Variants in AGAP1 observed in about 807,000 individuals in gnomAD.
The protein encoded by AGAP1 is ArfGAP with GTPase domain, ankyrin repeat and PH domain 1, also known as arf-GAP with GTPase, ANK repeat and PH domain-containing protein 1.
Under a neutral mutation model 105.3 loss-of-function variants are expected in AGAP1, and 29 were observed. The observed-to-expected ratio is 0.28, with a 90% CI of 0.21 to 0.38. AGAP1 has a LOEUF of 0.38. Ranked by LOEUF, AGAP1 falls within the 10% of genes least tolerant of loss-of-function variation. The pLI, the probability that AGAP1 is intolerant of heterozygous loss-of-function variation, is 1.00. For synonymous variants in AGAP1, 509 were observed against 485.9 expected, an observed-to-expected ratio of 1.05 and a Z score of -0.63; for missense variants, 998 against 1,165.1, an observed-to-expected ratio of 0.86 and a Z score of 2.09.
rs1188175455 is a variant in AGAP1, at chr2:235,901,783, G to A, written c.1156-6955G>A. ...AATCCCAGCTACTCAGGAGGCTGAG[G>A]CAGTAGAATCACTTGAACCCAGGAG... On this transcript the variant is annotated intron_variant, in intron 10 of 17. Transcript: ENST00000304032. This position sits in a 1 kb window ranked among gnomAD's most constrained non-coding sequence, Gnocchi z 4.3. 1.3e-5 allele frequency among the ~76,000 whole-genome samples: 2 copies of A among 151,948 alleles called. No individual in the cohort carries two copies. Among genetic ancestry groups the A allele is most frequent in the African/African-American group, 4.8e-5 (2 of 41,338 alleles).
At chr2:235,573,807 C>A (rs1944650210) in intron 1 of AGAP1, among the ~76,000 whole-genome samples, 1 of 152,186 alleles carries the variant, frequency 6.6e-6, no homozygotes, top group South Asian at 2.1e-4. Context: ...TAGCTGTTAC[C>A]ACATGGAATG....
Position 235,787,044 on chromosome 2 carries a change from C to T in AGAP1, c.674-10715C>T, listed in dbSNP as rs79455620. ...GGTCTTGACACCAGCTCCTGCCACTCTGACACATACTTAGGCAGTGCTCAG... is the reference window on the plus strand; with the variant it reads ...GGTCTTGACACCAGCTCCTGCCACTTTGACACATACTTAGGCAGTGCTCAG... On this transcript the variant is annotated intron_variant, in intron 6 of 17. Coordinates refer to ENST00000304032, the MANE Select transcript of AGAP1 (RefSeq NM_001037131.3). The surrounding 1 kb of genome is among the most constrained non-coding windows in gnomAD (Gnocchi z 4.4). Among the ~76,000 whole-genome samples, 3,161 of 152,362 alleles carry T rather than the reference C, an allele frequency of 0.021. 103 individuals carry two copies. The highest frequency in any genetic ancestry group is 0.072 in the African/African-American group (3,006 of 41,582).
chr2:235,520,640 A>G (rs1574751192), intron 1 of AGAP1, among the ~76,000 whole-genome samples: 1 of 152,130 alleles, frequency 6.6e-6, no homozygotes, highest in Admixed American at 6.5e-5. Flanking sequence ...TTGCAAAATG[A>G]TGATTTTATA....
Position 235,799,265 on chromosome 2 carries a change from C to G in AGAP1, c.802-102C>G. On this transcript the variant is annotated intron_variant, in intron 7 of 17. Transcript: ENST00000304032. The surrounding 1 kb of genome is among the most constrained non-coding windows in gnomAD (Gnocchi z 5.0). ...AGTCAGCCATTCCCATGCATCCCTT[C>G]CATGGGGCTCATGCTCACTTGTTGG... The G allele has an allele frequency of 7.3e-7, 1 of 1,364,144 alleles. No homozygotes were observed. Among genetic ancestry groups the G allele is most frequent in the Non-Finnish European group, 1.0e-6 (1 of 983,490 alleles). 84.5% of individuals were successfully genotyped at this position (1,364,144 alleles called of 1,614,324 possible).
At position 235,609,193 on chromosome 2, in the gene AGAP1, C is replaced by T. The variant is rs888095149; in HGVS notation, c.164-99986C>T. On this transcript the variant is annotated intron_variant, in intron 1 of 17. Coordinates refer to ENST00000304032, the MANE Select transcript of AGAP1 (RefSeq NM_001037131.3). This position sits in a 1 kb window ranked among gnomAD's most constrained non-coding sequence, Gnocchi z 5.1. The stretch of plus-strand genomic sequence containing the variant: ...GGTTTGTGACCAGGTCCTAGTGAGG[C>T]AGCTTTCTGAGCACTTTTTCTTGAT... Among the ~76,000 whole-genome samples the T allele has an allele frequency of 3.3e-5, 5 of 152,088 alleles. No homozygotes were observed. Among genetic ancestry groups the T allele is most frequent in the Non-Finnish European group, 7.3e-5 (5 of 68,030 alleles).
rs2058996127 is a variant in AGAP1 at position 236,089,002 on chromosome 2, T to C, written c.2115-31190T>C. On this transcript the variant is annotated intron_variant, in intron 16 of 17. Transcript: ENST00000304032. The surrounding 1 kb of genome is among the most constrained non-coding windows in gnomAD (Gnocchi z 5.6). ...TTCTACCAAAAGAGAAAGAACTGGT[T>C]TGTATAATATGTTTCAAAGTACAGA... 1.3e-5 allele frequency among the ~76,000 whole-genome samples: 2 copies of C among 152,170 alleles called. No individual in the cohort carries two copies. Among genetic ancestry groups the C allele is most frequent in the African/African-American group, 2.4e-5 (1 of 41,448 alleles).
rs1210285615 is a variant in AGAP1 at position 235,789,016 on chromosome 2, T to C, written c.674-8743T>C. Among the ~76,000 whole-genome samples, 1 of 152,146 alleles carries C rather than the reference T, an allele frequency of 6.6e-6. No individual in the cohort carries two copies. Among genetic ancestry groups the C allele is most frequent in the Non-Finnish European group, 1.5e-5 (1 of 67,992 alleles). The stretch of plus-strand genomic sequence containing the variant: ...ATTCCTGATTTTTGGCAGCTCGACT[T>C]TGGGATTAAATGTTAAGGAACTATT... On this transcript the variant is annotated intron_variant, in intron 6 of 17. Transcript: ENST00000304032. This position sits in a 1 kb window ranked among gnomAD's most constrained non-coding sequence, Gnocchi z 4.2.
At chr2:236,032,389 C>A (rs2057249914) in intron 13 of AGAP1, among the ~76,000 whole-genome samples, 1 of 152,172 alleles carries the variant, frequency 6.6e-6, no homozygotes, top group African/African-American at 2.4e-5. Flanking sequence ...CTGGGTGAGT[C>A]TTCAGGGTGA....
intron 1 of AGAP1, among the ~76,000 whole-genome samples, chr2:235,688,152 C>T (rs546959963): frequency 4.1e-4 from 62 of 152,258 alleles, no homozygotes; most frequent in African/African-American, 1.4e-3. Flanking sequence ...GTGATCTGCC[C>T]ACCTCGGTCT....
In AGAP1 at chr2:236,082,951, T is replaced by C. The variant is rs1439616793; in HGVS notation, c.2114+33670T>C. On this transcript the variant is annotated intron_variant, in intron 16 of 17. Transcript: ENST00000304032. This position sits in a 1 kb window ranked among gnomAD's most constrained non-coding sequence, Gnocchi z 4.2. ...TGGCCGGATCACCTGAGGTCAGGAA[T>C]TCAAGACCAGCCTGACCAACATGGA... Among the ~76,000 whole-genome samples, 1 of 151,928 alleles carries C rather than the reference T, an allele frequency of 6.6e-6. No homozygotes were observed. Among genetic ancestry groups the C allele is most frequent in the Non-Finnish European group, 1.5e-5 (1 of 68,008 alleles).
chr2:235,847,747 C>T (rs1398324496), intron 9 of AGAP1, among the ~76,000 whole-genome samples: 5 of 152,222 alleles, frequency 3.3e-5, no homozygotes, highest in African/African-American at 7.2e-5. Context: ...TCGTACACGA[C>T]GCCTAACGTG....
At position 236,040,611 on chromosome 2, in the gene AGAP1, C is replaced by G. The variant is rs2057519458; in HGVS notation, c.1801-140C>G. 1 of 378,688 alleles carries G rather than the reference C, an allele frequency of 2.6e-6. No individual in the cohort carries two copies. Among genetic ancestry groups the G allele is most frequent in the Non-Finnish European group, 4.6e-6 (1 of 218,782 alleles). 23.5% of individuals were successfully genotyped at this position (378,688 alleles called of 1,614,324 possible). On this transcript the variant is annotated intron_variant, in intron 14 of 17. Transcript: ENST00000304032. The surrounding 1 kb of genome is among the most constrained non-coding windows in gnomAD (Gnocchi z 5.6). The stretch of plus-strand genomic sequence containing the variant: ...CAGTTATGCTCTTTCCCAAAGACAT[C>G]AAAACAAGAGTGATTGTTTAGAAAT...
rs914841425 is a variant in AGAP1 at position 235,724,017 on chromosome 2, C to T, written c.310+6373C>T. On this transcript the variant is annotated intron_variant, in intron 3 of 17. Transcript: ENST00000304032. The surrounding 1 kb of genome is among the most constrained non-coding windows in gnomAD (Gnocchi z 4.9). ...GGTCAGTGGTGTCGTAGCCTGCTGC[C>T]GCCACACAGAGGGATTTGCAGGGAA... Among the ~76,000 whole-genome samples the T allele has an allele frequency of 2.0e-5, 3 of 152,296 alleles. No individual in the cohort carries two copies. Among genetic ancestry groups the T allele is most frequent in the South Asian group, 4.1e-4 (2 of 4,830 alleles).
At chr2:235,591,723 C>T (rs1205818875) in intron 1 of AGAP1, among the ~76,000 whole-genome samples, 4 of 152,222 alleles carry the variant, frequency 2.6e-5, no homozygotes, top group South Asian at 4.1e-4. Context: ...ATCCCCTTGG[C>T]GATGAGTGAA....
At chr2:236,031,368 C>T (rs184418588) in intron 13 of AGAP1, among the ~76,000 whole-genome samples, 3 of 152,286 alleles carry the variant, frequency 2.0e-5, no homozygotes, top group Admixed American at 6.5e-5. Flanking sequence ...ATGGCAGGCA[C>T]GCCACGGGCA....
rs2149292536 is a variant in AGAP1, at chr2:235,633,898, C to A, written c.164-75281C>A. Among the ~76,000 whole-genome samples, 1 of 152,264 alleles carries A rather than the reference C, an allele frequency of 6.6e-6. No individual in the cohort carries two copies. The highest frequency in any genetic ancestry group is 2.1e-4 in the South Asian group (1 of 4,824). On this transcript the variant is annotated intron_variant, in intron 1 of 17. Coordinates refer to ENST00000304032, the MANE Select transcript of AGAP1 (RefSeq NM_001037131.3). The surrounding 1 kb of genome is among the most constrained non-coding windows in gnomAD (Gnocchi z 4.8). Reference sequence around the variant, plus strand: ...CAGGGGAGAATGAGGGGCAAGAGATCAGGAGAGCAGGAGAAGCTCAGAGAG... The same window carrying A: ...CAGGGGAGAATGAGGGGCAAGAGATAAGGAGAGCAGGAGAAGCTCAGAGAG...
rs1956718858 is a variant in AGAP1 at position 235,787,466 on chromosome 2, T to A, written c.674-10293T>A. ...ATAGCACTTTCTATATCCCACATGC[T>A]GCCACTTATCTAACACATTGGGAGA... On this transcript the variant is annotated intron_variant, in intron 6 of 17. Transcript: ENST00000304032. The surrounding 1 kb of genome is among the most constrained non-coding windows in gnomAD (Gnocchi z 4.4). Among the ~76,000 whole-genome samples, 1 of 152,222 alleles carries A rather than the reference T, an allele frequency of 6.6e-6. No individual in the cohort carries two copies. The highest frequency in any genetic ancestry group is 1.5e-5 in the Non-Finnish European group (1 of 68,044).
rs1257309035 is a variant in AGAP1, at chr2:235,733,312, A to G, written c.311-7651A>G. On this transcript the variant is annotated intron_variant, in intron 3 of 17. Coordinates refer to ENST00000304032, the MANE Select transcript of AGAP1 (RefSeq NM_001037131.3). The surrounding 1 kb of genome is among the most constrained non-coding windows in gnomAD (Gnocchi z 5.0). ...ATTCCTCAGTCAGGAGACGAAAAAG[A>G]TGAGGCCACGGCTGCCCCTTCTGTT... 1.3e-5 allele frequency among the ~76,000 whole-genome samples: 2 copies of G among 152,192 alleles called. No homozygotes were observed. The highest frequency in any genetic ancestry group is 2.4e-5 in the African/African-American group (1 of 41,450).
At chr2:235,649,577 G>T (rs1202903789) in intron 1 of AGAP1, among the ~76,000 whole-genome samples, 3 of 152,076 alleles carry the variant, frequency 2.0e-5, no homozygotes, top group Non-Finnish European at 4.4e-5. Context: ...TTGCTATGTT[G>T]CCCAGGCTGG....
Sources: allele counts gnomAD v4.1 joint callset (sites outside exome capture counted in the v4.1 genomes callset), GRCh38; gene constraint gnomAD v4.1.1; non-coding constraint Gnocchi (gnomAD v3.1); transcripts MANE v1.5; gene names NCBI Gene and HGNC (gene_info 2026-07-23, HGNC 2026-07-21).